The following TACC1 variants were observed in gnomAD, a reference collection of about 807,000 sequenced individuals.
TACC1 encodes the protein transforming acidic coiled-coil containing protein 1, also known as transforming acidic coiled-coil-containing protein 1.
Under a neutral mutation model 84.4 loss-of-function variants are expected in TACC1, and 48 were observed. The observed-to-expected ratio is 0.57, with a 90% CI of 0.45 to 0.72. The LOEUF is 0.72. TACC1 is among the 30% of genes least tolerant of loss of function. The pLI is 0.00. For synonymous variants in TACC1, 372 were observed against 376.3 expected (o/e 0.99, Z 0.13); for missense variants, 920 against 973.0 (o/e 0.95, Z 0.72).
At chr8:38,754,419 G>A (rs1268572039) in intron 3 of TACC1, among the ~76,000 whole-genome samples, 1 of 152,102 alleles carries the variant, frequency 6.6e-6, no homozygotes, top group East Asian at 1.9e-4. Flanking sequence ...CAGAATAACC[G>A]ACTGGGAATA....
At chr8:38,745,424 G>A (rs1416063783) in exon 3 of TACC1, 2 of 648,332 alleles carry the variant, frequency 3.1e-6, no homozygotes, top group Non-Finnish European at 5.5e-6. Context: ...CCAGGAAAAT[G>A]GAACGTAGTC....
rs1249685133 is a variant in TACC1 at position 38,820,065 on chromosome 8, A to C, written c.821A>C (p.Asn274Thr). 1 of 1,614,146 alleles carries C rather than the reference A, an allele frequency of 6.2e-7. No homozygotes were observed. The highest frequency in any genetic ancestry group is 1.7e-5 in the Admixed American group (1 of 60,020). ...YHFSPEELDE[N>T]TSPLLGDARF... Reference sequence around the variant, plus strand: ...TTCAGTCCTGAAGAGTTGGATGAGAACACAAGTCCTTTGCTAGGAGATGCC... The same window carrying C: ...TTCAGTCCTGAAGAGTTGGATGAGACCACAAGTCCTTTGCTAGGAGATGCC... Residue 274 changes from asparagine to threonine, a missense_variant, in exon 3 of 13, where the codon AAC becomes ACC. Coordinates refer to ENST00000317827, the MANE Select transcript of TACC1 (RefSeq NM_006283.3).
At position 38,768,067 on chromosome 8, in the gene TACC1, TGAAGGAAGGAAGGAAGGAAG is replaced by T. The variant is rs72090925; in HGVS notation, c.27-20603_27-20584del. Among the ~76,000 whole-genome samples the T allele has an allele frequency of 8.1e-4, 97 of 120,036 alleles. 1 individual carries two copies. The highest frequency in any genetic ancestry group is 3.5e-3 in the East Asian group (13 of 3,762). The allele number at this position is 120,036 out of a possible 152,430, so 78.7% of individuals were successfully genotyped here. On this transcript the variant is annotated intron_variant, in intron 3 of 14. Coordinates refer to the TACC1 transcript ENST00000518415. ...TGGGTGACAGAGTGAGACGCTGTCT[TGAAGGAAGGAAGGAAGGAAG>T]GAAGGAAGGAAGGAAGGAAGGAAGG... is the stretch of plus-strand genomic sequence containing the variant.
In TACC1 at chr8:38,731,767, C is replaced by CAACAACAAA. The variant is rs1172157673; in HGVS notation, c.-675+3098_-675+3099insCAACAAAAA. Among the ~76,000 whole-genome samples, 607 of 151,466 alleles carry CAACAACAAA rather than the reference C, an allele frequency of 4.0e-3. 3 individuals carry two copies. The highest frequency in any genetic ancestry group is 0.011 in the South Asian group (52 of 4,786). On this transcript the variant is annotated intron_variant, in intron 1 of 14. Coordinates refer to the TACC1 transcript ENST00000518415. ...ACAACAACAACAACAACAACAACAA[C>CAACAACAAA]AAAACTAGTCTTTAGGGTTGGCATT...
At chr8:38,740,493 T>C (rs575848600) in intron 1 of TACC1, among the ~76,000 whole-genome samples, 67 of 152,302 alleles carry the variant, frequency 4.4e-4, no homozygotes, top group African/African-American at 1.6e-3. Flanking sequence ...TGATCCCAAA[T>C]GCTCAAGAAA....
At chr8:38,829,631 C>T (rs1828820277) in intron 5 of TACC1, among the ~76,000 whole-genome samples, 1 of 152,206 alleles carries the variant, frequency 6.6e-6, no homozygotes, top group African/African-American at 2.4e-5. Context: ...GACTACCACT[C>T]ATCTTTGAGT....
intron 2 of TACC1, among the ~76,000 whole-genome samples, chr8:38,818,205 C>T (rs1250312600): frequency 1.3e-5 from 2 of 152,164 alleles, no homozygotes; most frequent in African/African-American, 2.4e-5. Flanking sequence ...CACTGCACTC[C>T]AGCCTGGGTA....
intron 3 of TACC1, among the ~76,000 whole-genome samples, chr8:38,754,581 A>G (rs1809655492): frequency 6.6e-6 from 1 of 152,218 alleles, no homozygotes; most frequent in South Asian, 2.1e-4. Flanking sequence ...AAGAAAAATT[A>G]TCTCAGGAGT....
rs139328246 is a variant in TACC1, at chr8:38,761,272, G to A, written c.26+15779G>A. Among the ~76,000 whole-genome samples the A allele has an allele frequency of 3.1e-3, 469 of 152,278 alleles. 2 individuals are homozygous for A. Among genetic ancestry groups the A allele is most frequent in the Admixed American group, 7.5e-3 (114 of 15,296 alleles). On this transcript the variant is annotated intron_variant, in intron 3 of 14. Transcript: ENST00000518415. The stretch of plus-strand genomic sequence containing the variant: ...AAGTATGAGACAAAGCAGAACCTGT[G>A]ATTCATTGGGGAATATCATCTGGTG...
chr8:38,741,529 T>C (rs1052359517), intron 1 of TACC1, among the ~76,000 whole-genome samples: 1 of 152,198 alleles, frequency 6.6e-6, no homozygotes, highest in Non-Finnish European at 1.5e-5. Context: ...ATTAAAGAGC[T>C]TCCTTGAACC....
At chr8:38,757,703 A>G (rs1810382768) in intron 3 of TACC1, among the ~76,000 whole-genome samples, 1 of 152,014 alleles carries the variant, frequency 6.6e-6, no homozygotes, top group Non-Finnish European at 1.5e-5. Context: ...GGCCTCGTCC[A>G]AGCAGAAAAC....
At chr8:38,791,743 A>G (rs955244406) in intron 2 of TACC1, among the ~76,000 whole-genome samples, 4 of 152,224 alleles carry the variant, frequency 2.6e-5, no homozygotes, top group African/African-American at 9.7e-5. Flanking sequence ...ATATAAGACT[A>G]AATCATTCTG....
rs112347805 is a variant in TACC1 at position 38,795,596 on chromosome 8, A to G, written c.277+6777A>G. On this transcript the variant is annotated intron_variant, in intron 2 of 12. Transcript: ENST00000317827. Reference sequence around the variant, plus strand: ...CAGTGTCTTTTTCAGGTTACCAGTTATACTGCCCAGAGGAAATCTTGGAGG... The same window carrying G: ...CAGTGTCTTTTTCAGGTTACCAGTTGTACTGCCCAGAGGAAATCTTGGAGG... 6.2e-3 allele frequency among the ~76,000 whole-genome samples: 944 copies of G among 152,368 alleles called. 9 individuals are homozygous for G. The highest frequency in any genetic ancestry group is 0.021 in the African/African-American group (883 of 41,576).
chr8:38,827,360 TC>T lies in TACC1; in HGVS notation c.1646del (p.Ser549TyrfsTer7). 3 of 1,614,214 alleles carry T rather than the reference TC, an allele frequency of 1.9e-6. No individual in the cohort carries two copies. The highest frequency in any genetic ancestry group is 2.5e-6 in the Non-Finnish European group (3 of 1,180,032). ...VPVSTINHAF[S>X]SSEAGIEKET... ...TGTGTCTACCATAAATCATGCGTTT[TC>T]ATCCTCAGAAGCAGGTATGGAAGCA... is the stretch of plus-strand genomic sequence containing the variant. On this transcript the variant is annotated frameshift_variant, in exon 5 of 13. Coordinates refer to ENST00000317827, the MANE Select transcript of TACC1 (RefSeq NM_006283.3). LOFTEE classifies it high-confidence loss of function.
intron 1 of TACC1, among the ~76,000 whole-genome samples, chr8:38,732,434 A>G (rs1805143013): frequency 6.6e-6 from 1 of 152,006 alleles, no homozygotes. Flanking sequence ...AACAACAACA[A>G]AAAAAAACCC....
At chr8:38,762,434 T>C (rs775049426) in intron 3 of TACC1, among the ~76,000 whole-genome samples, 13 of 152,248 alleles carry the variant, frequency 8.5e-5, no homozygotes, top group Non-Finnish European at 1.6e-4. Flanking sequence ...GGTGTGTCCA[T>C]GTCGTAGCAT....
chr8:38,813,082 C>A (rs889715425), intron 2 of TACC1, among the ~76,000 whole-genome samples: 2 of 152,108 alleles, frequency 1.3e-5, no homozygotes, highest in African/African-American at 4.8e-5. Context: ...AAATTTTTTC[C>A]CTTTACCTCA....
chr8:38,756,218 C>T (rs1034971654), intron 3 of TACC1, among the ~76,000 whole-genome samples: 3 of 151,928 alleles, frequency 2.0e-5, no homozygotes, highest in African/African-American at 7.3e-5. Flanking sequence ...GTGTAGGATG[C>T]CTGCATCCAT....
chr8:38,840,495 T>G (rs562586141), intron 9 of TACC1: 2 of 370,506 alleles, frequency 5.4e-6, no homozygotes, highest in East Asian at 9.0e-5. Flanking sequence ...ATAAGGACAC[T>G]AATCCTGACA....
Sources: gnomAD v4.1 joint callset for allele counts (sites outside exome capture counted in the v4.1 genomes callset) on GRCh38, gnomAD v4.1.1 for gene constraint, MANE v1.5 for transcripts, NCBI Gene and HGNC (gene_info 2026-07-23, HGNC 2026-07-21) for gene names.